The following IMPA1 variants were observed in gnomAD, a reference collection of about 807,000 sequenced individuals.
The protein encoded by IMPA1 is inositol monophosphatase 1, also known as D-galactose 1-phosphate phosphatase.
Under a neutral mutation model 34.9 loss-of-function variants are expected in IMPA1, and 21 were observed. The ratio of observed to expected loss-of-function variants is 0.60; its 90% CI spans 0.43 to 0.87. The LOEUF (loss-of-function observed/expected upper bound fraction) is 0.87. Ranked by LOEUF, IMPA1 falls within the 40% of genes least tolerant of loss-of-function variation. The pLI is 0.00. For missense variants in IMPA1, 299 were observed against 336.4 expected, an observed-to-expected ratio of 0.89 and a Z score of 0.87; for synonymous variants, 95 against 104.4, an observed-to-expected ratio of 0.91 and a Z score of 0.55.
chr8:81,661,623 A>G (rs1407958534), intron 7 of IMPA1, among the ~76,000 whole-genome samples: 2 of 152,256 alleles, frequency 1.3e-5, no homozygotes, highest in African/African-American at 4.8e-5. Context: ...TCTAAATTAA[A>G]GGAAATTGAT....
Position 81,683,754 on chromosome 8 carries a change from G to A in IMPA1, c.-24-2170C>T, listed in dbSNP as rs116584914. Among the ~76,000 whole-genome samples the A allele has an allele frequency of 4.5e-3, 679 of 149,710 alleles. 6 individuals are homozygous for A. The highest frequency in any genetic ancestry group is 0.016 in the African/African-American group (627 of 40,104). The stretch of plus-strand genomic sequence containing the variant: ...CCATGTAGAAACATGTAAGTTACTT[G>A]AGTAGACAGCAACTGAGGTCCTGAG... On this transcript the variant is annotated intron_variant, in intron 1 of 8. Coordinates refer to ENST00000256108, the MANE Select transcript of IMPA1 (RefSeq NM_005536.4).
chr8:81,680,711 T>C lies in IMPA1; in HGVS notation c.136A>G (p.Thr46Ala), dbSNP rs775363039. Residue 46 changes from threonine to alanine, a missense_variant, in exon 3 of 9, where the codon ACG becomes GCG. Thr to Ala is a moderately conservative substitution (Grantham distance 58, BLOSUM62 0). Coordinates refer to ENST00000256108, the MANE Select transcript of IMPA1 (RefSeq NM_005536.4). ...KSSPVDLVTATDQKVEKMLIS... is the reference protein window; with the variant it reads ...KSSPVDLVTAADQKVEKMLIS... ...AGCATTTTTTCAACTTTTTGGTCCG[T>C]AGCAGTTACCAAATCAACTGGAGAA... The C allele has an allele frequency of 3.7e-6, 6 of 1,612,796 alleles. No individual in the cohort carries two copies. The highest frequency in any genetic ancestry group is 5.1e-6 in the Non-Finnish European group (6 of 1,178,908).
chr8:81,668,847 G>A (rs994397321), intron 7 of IMPA1, among the ~76,000 whole-genome samples: 2 of 152,118 alleles, frequency 1.3e-5, no homozygotes, highest in Non-Finnish European at 1.5e-5. Context: ...CCCAAAGGAG[G>A]GTAGAATGGT....
rs2278203 is a variant in IMPA1, at chr8:81,686,076, C to T, written c.-25+176G>A. On this transcript the variant is annotated intron_variant, in intron 1 of 8. Coordinates refer to ENST00000256108, the MANE Select transcript of IMPA1 (RefSeq NM_005536.4). ...CTCCAATGCCGGAACTGTTCCCGGT[C>T]GCCCAGGGCAGCTCCGGATAACGCA... 8.1e-6 allele frequency: 8 copies of T among 987,730 alleles called. No individual in the cohort carries two copies. In the East Asian group the frequency reaches 2.7e-4, roughly 33 times the overall value. 61.2% of individuals were successfully genotyped at this position (987,730 alleles called of 1,614,324 possible).
chr8:81,682,668 T>C (rs963490473), intron 1 of IMPA1, among the ~76,000 whole-genome samples: 2 of 152,140 alleles, frequency 1.3e-5, no homozygotes, highest in African/African-American at 4.8e-5. Flanking sequence ...TCTGCTCCAC[T>C]AGTCTTAACA....
intron 6 of IMPA1, among the ~76,000 whole-genome samples, chr8:81,671,511 C>T (rs1441324291): frequency 6.6e-6 from 1 of 152,142 alleles, no homozygotes; most frequent in Admixed American, 6.5e-5. Flanking sequence ...ACCCAACACC[C>T]TAGATCTCAC....
intron 1 of IMPA1, among the ~76,000 whole-genome samples, chr8:81,683,035 C>A (rs925835506): frequency 6.6e-6 from 1 of 152,172 alleles, no homozygotes; most frequent in African/African-American, 2.4e-5. Context: ...AACAGGGGAG[C>A]TTTCACCTGG....
At chr8:81,675,690 A>G (rs1425744997) in intron 5 of IMPA1, among the ~76,000 whole-genome samples, 2 of 152,196 alleles carry the variant, frequency 1.3e-5, no homozygotes, top group Non-Finnish European at 2.9e-5. Flanking sequence ...TTACTGTTTG[A>G]CCAACTAAGG....
chr8:81,659,984 T>C (rs994947523), intron 8 of IMPA1, among the ~76,000 whole-genome samples: 8 of 152,010 alleles, frequency 5.3e-5, no homozygotes, highest in African/African-American at 1.9e-4. Context: ...CAAAGAGCTC[T>C]GGGTATAAGC....
intron 1 of IMPA1, among the ~76,000 whole-genome samples, chr8:81,682,826 G>A (rs1367832288): frequency 6.6e-6 from 1 of 152,126 alleles, no homozygotes; most frequent in South Asian, 2.1e-4. Context: ...CCACCCAGAA[G>A]TCACTATGTC....
chr8:81,685,959 AGGAG>A, intron 1 of IMPA1: 1 of 1,502,146 alleles, frequency 6.7e-7, no homozygotes, highest in African/African-American at 1.4e-5. Context: ...CCAAGTTTCT[AGGAG>A]CTTTTCGGAG....
chr8:81,675,211 C>A (rs950508293), intron 5 of IMPA1, among the ~76,000 whole-genome samples: 1 of 152,154 alleles, frequency 6.6e-6, no homozygotes, highest in African/African-American at 2.4e-5. Flanking sequence ...TTTCTCCAAG[C>A]TGTTCTTTCT....
intron 3 of IMPA1, among the ~76,000 whole-genome samples, chr8:81,679,770 T>C (rs952656134): frequency 6.6e-6 from 1 of 152,130 alleles, no homozygotes; most frequent in African/African-American, 2.4e-5. Flanking sequence ...AATTATAAGA[T>C]GTTATACTAG....
intron 3 of IMPA1, 149 bp downstream of exon 3, chr8:81,680,501 C>A (rs943184067): frequency 1.1e-5 from 7 of 620,760 alleles, no homozygotes; most frequent in Non-Finnish European, 1.9e-5. Context: ...CCAGTCCAAC[C>A]TTCAGTTGAC....
intron 1 of IMPA1, among the ~76,000 whole-genome samples, chr8:81,685,611 T>C (rs138670131): frequency 0.011 from 1,552 of 147,332 alleles, 16 homozygotes; most frequent in African/African-American, 0.034. Flanking sequence ...TAAGTATATA[T>C]ACTATACATA....
At chr8:81,685,874 C>G in intron 1 of IMPA1, 1 of 1,548,844 alleles carries the variant, frequency 6.5e-7, no homozygotes, top group Non-Finnish European at 8.7e-7. Context: ...CCTGTCCCAG[C>G]ACCGCGACTG....
At chr8:81,666,869 C>CA (rs33975606) in intron 7 of IMPA1, among the ~76,000 whole-genome samples, 1,006 of 39,354 alleles carry the variant, frequency 0.026, 211 homozygotes, top group Non-Finnish European at 0.041. Flanking sequence ...GACTCTGTCT[C>CA]AAAAAAAAAA....
chr8:81,677,665 AT>A (rs1807169678), intron 4 of IMPA1, among the ~76,000 whole-genome samples: 1 of 152,254 alleles, frequency 6.6e-6, no homozygotes, highest in Non-Finnish European at 1.5e-5. Flanking sequence ...ACTTTTAAAT[AT>A]GTAAGAAAGT....
intron 4 of IMPA1, chr8:81,678,784 T>G (rs1221573777): frequency 3.2e-5 from 7 of 221,714 alleles, no homozygotes; most frequent in Non-Finnish European, 6.4e-5. Context: ...ACTCAAAGAA[T>G]AGAAAATGGC....
Sources: allele counts gnomAD v4.1 joint callset (sites outside exome capture counted in the v4.1 genomes callset), GRCh38; gene constraint gnomAD v4.1.1; transcripts MANE v1.5; gene names NCBI Gene and HGNC (gene_info 2026-07-23, HGNC 2026-07-21).